Variants in SYT14 observed in about 807,000 individuals in gnomAD.
SYT14 encodes synaptotagmin-14.
In SYT14, 32 loss-of-function variants were observed where a neutral mutation model predicts 74.2. The observed-to-expected ratio is 0.43, with a 90% CI of 0.33 to 0.58. SYT14 has a LOEUF of 0.58. Among genes scored for constraint, SYT14 ranks in the 20% least tolerant of loss-of-function variants. The pLI is 0.05. For missense variants in SYT14, 791 were observed against 981.8 expected (o/e 0.81, Z 2.60); for synonymous variants, 298 against 337.7 (o/e 0.88, Z 1.29).
exon 10 of SYT14, chr1:210,162,459 C>A (rs2102733027): frequency 2.9e-6 from 1 of 350,736 alleles, no homozygotes; most frequent in Non-Finnish European, 5.5e-6. Context: ...AAGCTGTTTT[C>A]TTTTTAATTT....
Position 210,047,437 on chromosome 1 carries a change from G to A in SYT14, c.1312+26183G>A, listed in dbSNP as rs776949683. On this transcript the variant is annotated intron_variant, in intron 5 of 9. Transcript: ENST00000637265. ...TTTTGAGATGGAGTCTCACACTGTC[G>A]GCCGGGCTGGAGTGCAATGGCGCAA... is the stretch of plus-strand genomic sequence containing the variant. 4.6e-5 allele frequency among the ~76,000 whole-genome samples: 7 copies of A among 151,912 alleles called. 1 individual carries two copies. The highest frequency in any genetic ancestry group is 4.4e-5 in the Non-Finnish European group (3 of 67,956).
intron 2 of SYT14, among the ~76,000 whole-genome samples, chr1:209,989,057 G>T (rs1289126167): frequency 6.6e-6 from 1 of 152,100 alleles, no homozygotes; most frequent in Non-Finnish European, 1.5e-5. Context: ...TCATACAGAT[G>T]ATCTCATTTT....
chr1:210,107,935 A>C (rs896780361), intron 7 of SYT14, among the ~76,000 whole-genome samples: 1 of 152,018 alleles, frequency 6.6e-6, no homozygotes, highest in Non-Finnish European at 1.5e-5. Context: ...TTTGTCAGTT[A>C]AAAAATGGAG....
At chr1:209,945,127 C>A (rs1000126188) in intron 1 of SYT14, among the ~76,000 whole-genome samples, 1 of 152,120 alleles carries the variant, frequency 6.6e-6, no homozygotes, top group African/African-American at 2.4e-5. Context: ...ACCCTCCACC[C>A]CCACTCCAGC....
intron 2 of SYT14, among the ~76,000 whole-genome samples, chr1:209,963,649 AAATATGACTCATC>A (rs769813391): frequency 5.3e-5 from 8 of 152,222 alleles, no homozygotes; most frequent in Non-Finnish European, 1.0e-4. Flanking sequence ...ACATCAACTG[AAATATGACTCATC>A]TTTTCTACAT....
chr1:210,161,003 A>G (rs1318650516), exon 10 of SYT14: 3 of 1,613,982 alleles, frequency 1.9e-6, no homozygotes, highest in Non-Finnish European at 1.7e-6. Context: ...AGTCAAAAGG[A>G]CAGCAAGTAT....
At chr1:210,025,474 T>G (rs2080390540) in intron 5 of SYT14, among the ~76,000 whole-genome samples, 1 of 152,040 alleles carries the variant, frequency 6.6e-6, no homozygotes, top group African/African-American at 2.4e-5. Context: ...GAAGGAAAAA[T>G]ATTTTAAAAT....
At chr1:210,083,156 G>T (rs181843939) in intron 5 of SYT14, among the ~76,000 whole-genome samples, 63 of 151,762 alleles carry the variant, frequency 4.2e-4, no homozygotes, top group East Asian at 3.7e-3. Flanking sequence ...AATTTTTGGG[G>T]TTTTTTTGTA....
chr1:210,013,068 C>G (rs1241196573), intron 2 of SYT14, among the ~76,000 whole-genome samples: 2 of 150,932 alleles, frequency 1.3e-5, no homozygotes, highest in African/African-American at 2.4e-5. Flanking sequence ...TGATGATTGC[C>G]TATTTTATAG....
chr1:209,952,735 G>A, exon 2 of SYT14: 1 of 1,610,772 alleles, frequency 6.2e-7, no homozygotes, highest in East Asian at 2.2e-5. Context: ...TGGAGTACAT[G>A]AACTTATCTG....
At chr1:210,041,555 A>T (rs2080789018) in intron 5 of SYT14, among the ~76,000 whole-genome samples, 1 of 152,172 alleles carries the variant, frequency 6.6e-6, no homozygotes, top group Admixed American at 6.5e-5. Flanking sequence ...TTACTAGGAG[A>T]TGTATAGCAT....
chr1:210,084,430 G>T (rs191976483), intron 5 of SYT14, among the ~76,000 whole-genome samples: 103 of 152,248 alleles, frequency 6.8e-4, no homozygotes, highest in Non-Finnish European at 1.3e-3. Flanking sequence ...ATTTTTGTAG[G>T]ATTTAGTTCT....
At chr1:210,151,816 C>G (rs182844358) in intron 7 of SYT14, among the ~76,000 whole-genome samples, 23 of 152,234 alleles carry the variant, frequency 1.5e-4, no homozygotes, top group Non-Finnish European at 2.9e-4. Context: ...TTGAAGATAA[C>G]GATTTTCACA....
At chr1:209,982,718 T>C (rs1283615562) in intron 2 of SYT14, among the ~76,000 whole-genome samples, 1 of 152,226 alleles carries the variant, frequency 6.6e-6, no homozygotes, top group East Asian at 1.9e-4. Flanking sequence ...TATCAAGGAA[T>C]GTAATTGCTG....
At chr1:209,979,174 C>G (rs553491499) in intron 2 of SYT14, among the ~76,000 whole-genome samples, 70 of 152,322 alleles carry the variant, frequency 4.6e-4, no homozygotes, top group African/African-American at 1.6e-3. Context: ...ATGCCTCGCC[C>G]TGCTTTGGCT....
intron 5 of SYT14, among the ~76,000 whole-genome samples, chr1:210,057,004 T>C (rs2081112466): frequency 6.6e-6 from 1 of 151,688 alleles, no homozygotes; most frequent in African/African-American, 2.4e-5. Context: ...ACCACCACAC[T>C]GTGCTAATTT....
intron 7 of SYT14, among the ~76,000 whole-genome samples, chr1:210,115,449 A>G (rs2082341042): frequency 6.6e-6 from 1 of 151,408 alleles, no homozygotes; most frequent in Non-Finnish European, 1.5e-5. Context: ...CCTCTGAAAC[A>G]TGGGTGAATA....
intron 5 of SYT14, among the ~76,000 whole-genome samples, chr1:210,047,655 C>T (rs2080911169): frequency 6.6e-6 from 1 of 152,122 alleles, no homozygotes; most frequent in African/African-American, 2.4e-5. Context: ...CCTTGGCCAC[C>T]CAAAGTGCTG....
At chr1:210,030,817 A>C (rs1262608125) in intron 5 of SYT14, among the ~76,000 whole-genome samples, 2 of 152,182 alleles carry the variant, frequency 1.3e-5, no homozygotes, top group African/African-American at 4.8e-5. Flanking sequence ...AAGATCACTC[A>C]CAAGAACAGT....
Sources: gnomAD v4.1 joint callset for allele counts (sites outside exome capture counted in the v4.1 genomes callset) on GRCh38, gnomAD v4.1.1 for gene constraint, MANE v1.5 for transcripts, NCBI Gene and HGNC (gene_info 2026-07-23, HGNC 2026-07-21) for gene names.